The following TTC6 variants were observed in gnomAD, a reference collection of about 807,000 sequenced individuals.
TTC6 encodes the protein tetratricopeptide repeat domain 6.
TTC6 carries 172 observed loss-of-function variants against 210.4 expected under a neutral mutation model. The observed-to-expected ratio is 0.82, with a 90% CI of 0.72 to 0.93. TTC6 has a LOEUF of 0.93. Among genes scored for constraint, TTC6 ranks in the 40% least tolerant of loss-of-function variants. The pLI is 0.00. For missense variants in TTC6, 2,414 were observed against 2,318.1 expected (o/e 1.04, Z -0.85); for synonymous variants, 804 against 819.6 (o/e 0.98, Z 0.32).
At chr14:37,740,869 C>T (rs1020486430) in intron 10 of TTC6, among the ~76,000 whole-genome samples, 6 of 152,192 alleles carry the variant, frequency 3.9e-5, no homozygotes, top group Admixed American at 6.5e-5. Flanking sequence ...GGGTAATGCA[C>T]ACAGCACCAT....
intron 6 of TTC6, among the ~76,000 whole-genome samples, chr14:37,721,042 CA>C (rs2095860886): frequency 7.6e-6 from 1 of 131,864 alleles, no homozygotes; most frequent in Admixed American, 7.6e-5. Flanking sequence ...ACAATTATCT[CA>C]AAATAAAAAT....
intron 14 of TTC6, among the ~76,000 whole-genome samples, chr14:37,782,418 G>T (rs1467710742): frequency 1.3e-5 from 2 of 152,132 alleles, no homozygotes; most frequent in African/African-American, 4.8e-5. Flanking sequence ...TCATGATTTG[G>T]CTCTCTGTTT....
intron 2 of TTC6, among the ~76,000 whole-genome samples, chr14:37,614,496 T>G (rs1310406615): frequency 6.6e-6 from 1 of 152,182 alleles, no homozygotes; most frequent in East Asian, 1.9e-4. Flanking sequence ...AAAAAATAGC[T>G]TCATGCACTT....
upstream of TTC6, among the ~76,000 whole-genome samples, chr14:37,619,069 C>T (rs1403518152): frequency 3.3e-5 from 5 of 151,862 alleles, no homozygotes; most frequent in Admixed American, 6.6e-5. Context: ...CTATGCGGGG[C>T]GGGGGGATTA....
At chr14:37,804,915 G>A in intron 21 of TTC6, 101 bp downstream of exon 23, 1 of 1,293,766 alleles carries the variant, frequency 7.7e-7, no homozygotes, top group East Asian at 2.3e-5. Flanking sequence ...TGGGCAACCG[G>A]TCCAAAGCTG....
At chr14:37,724,069 C>A (rs1386050317) in intron 6 of TTC6, among the ~76,000 whole-genome samples, 1 of 152,010 alleles carries the variant, frequency 6.6e-6, no homozygotes, top group Non-Finnish European at 1.5e-5. Context: ...AAAAGAAATA[C>A]AGAAACCACA....
chr14:37,800,849 A>C (rs985787869), intron 20 of TTC6, among the ~76,000 whole-genome samples: 1 of 152,200 alleles, frequency 6.6e-6, no homozygotes, highest in African/African-American at 2.4e-5. Context: ...GAGAGTACAA[A>C]ACGAAAGAAG....
At chr14:37,691,204 C>T (rs1398244691) in intron 3 of TTC6, among the ~76,000 whole-genome samples, 2 of 152,064 alleles carry the variant, frequency 1.3e-5, no homozygotes, top group Non-Finnish European at 2.9e-5. Flanking sequence ...CTGATGCATG[C>T]CTGTAATTCC....
At chr14:37,622,978 G>T in exon 1 of TTC6, 1 of 1,490,614 alleles carries the variant, frequency 6.7e-7, no homozygotes, top group Non-Finnish European at 8.9e-7. Context: ...AGCGTCCTTG[G>T]CCAGAACTAC....
exon 25 of TTC6, chr14:37,812,381 T>C (rs2096131503): frequency 6.2e-7 from 1 of 1,613,406 alleles, no homozygotes; most frequent in Admixed American, 1.7e-5. Context: ...AATACCTTCC[T>C]TAATCGTGGA....
At chr14:37,720,820 G>A (rs80210181) in intron 6 of TTC6, among the ~76,000 whole-genome samples, 2,281 of 152,160 alleles carry the variant, frequency 0.015, 24 homozygotes, top group Non-Finnish European at 0.022. Flanking sequence ...GTGGTTTCCA[G>A]GTTTTCAGGA....
At chr14:37,775,432 G>T (rs1444818034) in intron 14 of TTC6, among the ~76,000 whole-genome samples, 1 of 152,106 alleles carries the variant, frequency 6.6e-6, no homozygotes, top group Non-Finnish European at 1.5e-5. Flanking sequence ...TTGTATCTCT[G>T]TTTCCATTAG....
At chr14:37,796,415 T>G (rs1157178950) in intron 19 of TTC6, 45 bp downstream of exon 21, 16 of 820,260 alleles carry the variant, frequency 2.0e-5, no homozygotes, top group Non-Finnish European at 2.8e-5. Context: ...TTCTTTAAAA[T>G]TTTTATGCTA....
intron 1 of TTC6, among the ~76,000 whole-genome samples, chr14:37,645,108 C>T (rs932847335): frequency 1.3e-5 from 2 of 152,314 alleles, no homozygotes; most frequent in East Asian, 1.9e-4. Flanking sequence ...GTCTGTTTCC[C>T]CACATCCTCA....
intron 9 of TTC6, among the ~76,000 whole-genome samples, chr14:37,738,573 C>G (rs921821775): frequency 6.6e-6 from 1 of 151,998 alleles, no homozygotes. Context: ...TATGACCAAC[C>G]AAATTATTGT....
intron 5 of TTC6, among the ~76,000 whole-genome samples, 185 bp downstream of exon 7, chr14:37,701,711 C>T (rs1158143825): frequency 6.6e-6 from 1 of 152,004 alleles, no homozygotes; most frequent in Non-Finnish European, 1.5e-5. Flanking sequence ...CATTTCCTGA[C>T]AATATTAACA....
rs1011311586 is a variant in TTC6 at position 37,731,006 on chromosome 14, G to A, written c.1819-4915G>A. ...TCATGGAGCTTACATTTTAGTATGAGGTACAGATACAATAAACATGTACAG... is the reference window on the plus strand; with the variant it reads ...TCATGGAGCTTACATTTTAGTATGAAGTACAGATACAATAAACATGTACAG... On this transcript the variant is annotated intron_variant, in intron 7 of 30. Transcript: ENST00000553443. Among the ~76,000 whole-genome samples the A allele has an allele frequency of 3.3e-5, 5 of 152,114 alleles. No individual in the cohort carries two copies. In the East Asian group the frequency reaches 9.6e-4, roughly 29 times the overall value.
At chr14:37,641,102 A>G (rs1278694293) in intron 1 of TTC6, among the ~76,000 whole-genome samples, 1 of 152,230 alleles carries the variant, frequency 6.6e-6, no homozygotes, top group Non-Finnish European at 1.5e-5. Context: ...TAACATGTAA[A>G]GTTGATATTA....
intron 26 of TTC6, among the ~76,000 whole-genome samples, chr14:37,819,730 CTCT>C (rs2096151077): frequency 6.6e-6 from 1 of 152,124 alleles, no homozygotes; most frequent in East Asian, 1.9e-4. Context: ...GAGTCTTTAA[CTCT>C]TCAAGCCAGA....
Sources: gnomAD v4.1 joint callset for allele counts (sites outside exome capture counted in the v4.1 genomes callset) on GRCh38, gnomAD v4.1.1 for gene constraint, MANE v1.5 for transcripts, NCBI Gene and HGNC (gene_info 2026-07-23, HGNC 2026-07-21) for gene names.